The following TBC1D22A variants were observed in gnomAD, a reference collection of about 807,000 sequenced individuals.
The protein encoded by TBC1D22A is putative GTPase activator.
A neutral mutation model predicts 60.2 loss-of-function variants in TBC1D22A; 38 were observed. That is an observed-to-expected ratio of 0.63 (90% CI 0.49 to 0.83). The LOEUF is 0.83. TBC1D22A is among the 40% of genes least tolerant of loss of function. The pLI, the probability that TBC1D22A is intolerant of heterozygous loss-of-function variation, is 0.00. For missense variants in TBC1D22A, 628 were observed against 701.0 expected (o/e 0.90, Z 1.18); for synonymous variants, 302 against 281.7 (o/e 1.07, Z -0.72).
intron 4 of TBC1D22A, among the ~76,000 whole-genome samples, chr22:46,854,854 A>T (rs2087487278): frequency 6.6e-6 from 1 of 152,098 alleles, no homozygotes. Flanking sequence ...CCTCTGTTTC[A>T]TCCAGACATA....
intron 9 of TBC1D22A, among the ~76,000 whole-genome samples, chr22:46,991,489 G>A (rs952310784): frequency 6.6e-6 from 1 of 152,204 alleles, no homozygotes; most frequent in Non-Finnish European, 1.5e-5. Context: ...CAAATGGCAA[G>A]TCCTACGTTC....
intron 8 of TBC1D22A, among the ~76,000 whole-genome samples, chr22:46,961,398 G>A (rs2073496881): frequency 6.6e-6 from 1 of 152,160 alleles, no homozygotes; most frequent in Admixed American, 6.5e-5. Context: ...CAGCACCTTA[G>A]CTCATAGTGC....
intron 11 of TBC1D22A, among the ~76,000 whole-genome samples, chr22:47,104,797 T>C (rs144426566): frequency 3.0e-4 from 46 of 152,316 alleles, no homozygotes; most frequent in African/African-American, 1.1e-3. Flanking sequence ...CACAGTCTTT[T>C]ATCTTAACCT....
At chr22:47,121,705 T>C (rs543141872) in intron 12 of TBC1D22A, among the ~76,000 whole-genome samples, 1 of 151,600 alleles carries the variant, frequency 6.6e-6, no homozygotes, top group South Asian at 2.1e-4. Flanking sequence ...TTTTCTTGTT[T>C]GAAAAAAAAT....
At chr22:46,936,131 G>C (rs1210254354) in intron 8 of TBC1D22A, among the ~76,000 whole-genome samples, 1 of 152,226 alleles carries the variant, frequency 6.6e-6, no homozygotes, top group Non-Finnish European at 1.5e-5. Flanking sequence ...AGAGGGTGCC[G>C]GGCATGTGCT....
chr22:46,858,460 C>T (rs2087682746), intron 4 of TBC1D22A, among the ~76,000 whole-genome samples: 1 of 116,722 alleles, frequency 8.6e-6, no homozygotes, highest in African/African-American at 3.8e-5. Context: ...TTGTGGCAAA[C>T]ACCCCCCCCA....
At chr22:47,092,231 G>A (rs573386563) in intron 11 of TBC1D22A, among the ~76,000 whole-genome samples, 2 of 152,172 alleles carry the variant, frequency 1.3e-5, no homozygotes, top group East Asian at 1.9e-4. Flanking sequence ...GGGGAAGCGA[G>A]TACCTAGAGG....
At chr22:47,055,646 T>C (rs1299196031) in intron 11 of TBC1D22A, among the ~76,000 whole-genome samples, 1 of 151,688 alleles carries the variant, frequency 6.6e-6, no homozygotes, top group Non-Finnish European at 1.5e-5. Context: ...GGCAGAGAGG[T>C]GCAGCCAGGC....
chr22:46,866,026 C>T (rs1028889750), intron 4 of TBC1D22A, among the ~76,000 whole-genome samples: 1 of 152,034 alleles, frequency 6.6e-6, no homozygotes, highest in African/African-American at 2.4e-5. Context: ...AAGTTCTGTG[C>T]CGAAATTGAT....
At chr22:46,874,749 T>C (rs1376706352) in intron 4 of TBC1D22A, among the ~76,000 whole-genome samples, 3 of 151,902 alleles carry the variant, frequency 2.0e-5, no homozygotes, top group Non-Finnish European at 4.4e-5. Flanking sequence ...AATTTTTCTA[T>C]TTTTAGTAGA....
intron 2 of TBC1D22A, among the ~76,000 whole-genome samples, chr22:46,793,290 A>G (rs112701329): frequency 0.019 from 2,913 of 152,136 alleles, 87 homozygotes; most frequent in African/African-American, 0.067. Flanking sequence ...ACCTTCCTGG[A>G]GCCCCCTCCC....
chr22:47,170,636 G>A (rs529607571), intron 12 of TBC1D22A, among the ~76,000 whole-genome samples: 6 of 150,440 alleles, frequency 4.0e-5, no homozygotes, highest in Admixed American at 3.3e-4. Context: ...ATGCAGGACC[G>A]GAGAGAGGAC....
At chr22:47,120,781 C>T (rs1352745733) in intron 12 of TBC1D22A, among the ~76,000 whole-genome samples, 1 of 152,182 alleles carries the variant, frequency 6.6e-6, no homozygotes, top group African/African-American at 2.4e-5. Flanking sequence ...CCCAGCTCAC[C>T]CTTTCACTCA....
At chr22:46,837,920 G>A (rs1203140053) in intron 4 of TBC1D22A, among the ~76,000 whole-genome samples, 1 of 152,156 alleles carries the variant, frequency 6.6e-6, no homozygotes, top group African/African-American at 2.4e-5. Flanking sequence ...AATTAGCCAG[G>A]TGTGGTGTTG....
intron 12 of TBC1D22A, among the ~76,000 whole-genome samples, chr22:47,135,533 G>T (rs1447192536): frequency 2.0e-5 from 3 of 152,196 alleles, no homozygotes; most frequent in Non-Finnish European, 4.4e-5. Context: ...AGTTCCACTC[G>T]GGGGGCGCAG....
At chr22:46,871,118 AG>A (rs2067274960) in intron 4 of TBC1D22A, among the ~76,000 whole-genome samples, 1 of 152,246 alleles carries the variant, frequency 6.6e-6, no homozygotes, top group African/African-American at 2.4e-5. Context: ...GAGTTGTATT[AG>A]AGACAAAGAG....
chr22:47,022,106 C>A (rs963544906), intron 10 of TBC1D22A, among the ~76,000 whole-genome samples: 1 of 152,194 alleles, frequency 6.6e-6, no homozygotes, highest in African/African-American at 2.4e-5. Context: ...GGGAAATGAG[C>A]ACCAAATGTT....
intron 8 of TBC1D22A, among the ~76,000 whole-genome samples, chr22:46,973,541 A>T (rs2074164751): frequency 6.6e-6 from 1 of 152,278 alleles, no homozygotes; most frequent in South Asian, 2.1e-4. Flanking sequence ...CCTTGCGAAG[A>T]TGCCATGCAA....
chr22:46,941,754 TA>T (rs2072143550), intron 8 of TBC1D22A, among the ~76,000 whole-genome samples: 1 of 135,402 alleles, frequency 7.4e-6, no homozygotes, highest in African/African-American at 2.8e-5. Flanking sequence ...ATATGCGGAA[TA>T]TATATATACG....
Sources: gnomAD v4.1 joint callset for allele counts (sites outside exome capture counted in the v4.1 genomes callset) on GRCh38, gnomAD v4.1.1 for gene constraint, MANE v1.5 for transcripts, NCBI Gene and HGNC (gene_info 2026-07-23, HGNC 2026-07-21) for gene names.